The following PTPRM variants were observed in gnomAD, a reference collection of about 807,000 sequenced individuals.
PTPRM encodes protein tyrosine phosphatase receptor type M.
PTPRM carries 47 observed loss-of-function variants against 186.7 expected under a neutral mutation model. The ratio of observed to expected loss-of-function variants is 0.25; its 90% CI spans 0.20 to 0.32. The LOEUF is 0.32. PTPRM is among the 10% of genes least tolerant of loss of function. PTPRM has a pLI of 1.00. For missense variants in PTPRM, 1,494 were observed against 1,865.0 expected (o/e 0.80, Z 3.66); for synonymous variants, 668 against 674.9 (o/e 0.99, Z 0.16).
chr18:7,742,938 ATTAG>A (rs1335956683), intron 1 of PTPRM, among the ~76,000 whole-genome samples: 8 of 152,230 alleles, frequency 5.3e-5, no homozygotes, highest in South Asian at 2.1e-4. Flanking sequence ...TTATTTACCC[ATTAG>A]TTAGGTGCTA....
intron 14 of PTPRM, among the ~76,000 whole-genome samples, chr18:8,199,479 T>A (rs1860962): frequency 1 from 152,309 of 152,326 alleles, 76,146 homozygotes; most frequent in Middle Eastern, 1. Context: ...TTGATGATAT[T>A]AGTAGGAGAC....
At position 7,736,748 on chromosome 18, in the gene PTPRM, T is replaced by G. The variant is rs151129660; in HGVS notation, c.74-37401T>G. ...TCTTCTATACAATGTCTGGAATCTA[T>G]GAATAACATCACTTTCTAAATTATG... On this transcript the variant is annotated intron_variant, in intron 1 of 32. Coordinates refer to ENST00000580170, the MANE Select transcript of PTPRM (RefSeq NM_001105244.2). Among the ~76,000 whole-genome samples the G allele has an allele frequency of 1.9e-3, 287 of 152,330 alleles. 1 individual carries two copies. Among genetic ancestry groups the G allele is most frequent in the African/African-American group, 6.5e-3 (270 of 41,582 alleles).
intron 2 of PTPRM, among the ~76,000 whole-genome samples, chr18:7,813,058 C>T (rs1282243997): frequency 1.3e-5 from 2 of 152,260 alleles, no homozygotes; most frequent in East Asian, 3.8e-4. Flanking sequence ...CTGTGACTTA[C>T]CTGTGTGCAG....
intron 7 of PTPRM, among the ~76,000 whole-genome samples, chr18:8,003,588 C>T (rs1599992611): frequency 6.6e-6 from 1 of 152,318 alleles, no homozygotes; most frequent in Admixed American, 6.5e-5. Flanking sequence ...GAATAAAGTA[C>T]GGATCAGTTC....
chr18:8,106,540 C>T (rs2091529138), intron 11 of PTPRM, among the ~76,000 whole-genome samples: 1 of 152,138 alleles, frequency 6.6e-6, no homozygotes, highest in African/African-American at 2.4e-5. Context: ...AGATCCTTGG[C>T]ATGGTAGTTC....
intron 2 of PTPRM, among the ~76,000 whole-genome samples, chr18:7,787,512 A>G (rs546597034): frequency 6.6e-6 from 1 of 152,218 alleles, no homozygotes; most frequent in Non-Finnish European, 1.5e-5. Flanking sequence ...TGCTAGAACC[A>G]GGATGAGAGT....
intron 3 of PTPRM, 67 bp downstream of exon 3, chr18:7,888,444 TATATC>T (rs1315944233): frequency 8.3e-6 from 12 of 1,453,912 alleles, no homozygotes; most frequent in African/African-American, 1.4e-5. Flanking sequence ...AAATTATTGT[TATATC>T]ATTATAATCA....
chr18:8,044,449 C>T (rs985346624), intron 7 of PTPRM, among the ~76,000 whole-genome samples: 4 of 152,094 alleles, frequency 2.6e-5, no homozygotes, highest in African/African-American at 7.2e-5. Context: ...AGTGGATTCA[C>T]TACGCAGTTG....
chr18:7,701,890 C>G (rs1047640389), intron 1 of PTPRM, among the ~76,000 whole-genome samples: 2 of 151,994 alleles, frequency 1.3e-5, no homozygotes, highest in Admixed American at 6.6e-5. Flanking sequence ...GTGTGATGTC[C>G]CCCTCCCTGT....
At chr18:7,947,840 C>T (rs746869259) in intron 5 of PTPRM, among the ~76,000 whole-genome samples, 3 of 152,096 alleles carry the variant, frequency 2.0e-5, no homozygotes, top group Non-Finnish European at 4.4e-5. Context: ...CCACCCTGGC[C>T]ATCGTTTCTG....
intron 2 of PTPRM, among the ~76,000 whole-genome samples, chr18:7,786,973 A>G (rs142256724): frequency 6.7e-4 from 102 of 152,354 alleles, no homozygotes; most frequent in Non-Finnish European, 6.3e-4. Context: ...ATGTTAATTT[A>G]TTTGAATTGA....
chr18:8,143,758 T>G lies in PTPRM; in HGVS notation c.2279T>G (p.Val760Gly). ...ILLFVIIFLG[V>G]VLVMKKRKLA... The stretch of plus-strand genomic sequence containing the variant: ...CTGTTCGTGATTATATTTCTTGGAG[T>G]TGTGTTGGTAATGAAGAAAAGGTGA... Residue 760 changes from valine (V) to glycine (G), a missense_variant, in exon 14 of 33, where the codon GTT (valine) becomes GGT (glycine). Coordinates refer to ENST00000580170, the MANE Select transcript of PTPRM (RefSeq NM_001105244.2). 6.2e-7 allele frequency: 1 copy of G among 1,613,942 alleles called. No individual in the cohort carries two copies. Among genetic ancestry groups the G allele is most frequent in the Non-Finnish European group, 8.5e-7 (1 of 1,179,932 alleles).
At chr18:8,372,056 C>CTTTTTTTTTTTTTTTTTTGTTTT in intron 24 of PTPRM, among the ~76,000 whole-genome samples, 1 of 59,068 alleles carries the variant, frequency 1.7e-5, no homozygotes, top group East Asian at 5.3e-4. Flanking sequence ...ACTCTATATT[C>CTTTTTTTTTTTTTTTTTTGTTTT]TTTTTTTTTT....
intron 1 of PTPRM, among the ~76,000 whole-genome samples, chr18:7,578,623 C>T (rs972508275): frequency 3.3e-5 from 5 of 151,082 alleles, no homozygotes; most frequent in Non-Finnish European, 4.4e-5. Context: ...GCGTGAGCCA[C>T]AGCGCCTGGC....
chr18:8,379,024 C>G, intron 27 of PTPRM, 143 bp from the exon 28 acceptor site: 2 of 611,956 alleles, frequency 3.3e-6, no homozygotes, highest in South Asian at 3.1e-5. Context: ...AAAGAAAACT[C>G]GAACTATGGT....
intron 1 of PTPRM, among the ~76,000 whole-genome samples, chr18:7,712,964 G>A (rs1016843987): frequency 7.2e-5 from 11 of 152,124 alleles, no homozygotes; most frequent in Non-Finnish European, 1.5e-4. Context: ...TTATCCAGGA[G>A]AAATTCCCCA....
At chr18:8,038,495 G>A (rs1398424097) in intron 7 of PTPRM, among the ~76,000 whole-genome samples, 1 of 150,922 alleles carries the variant, frequency 6.6e-6, no homozygotes, top group African/African-American at 2.4e-5. Context: ...GGGTTCAAGT[G>A]ATTCTTGTGC....
chr18:7,617,209 T>A (rs916524984), intron 1 of PTPRM, among the ~76,000 whole-genome samples: 1 of 152,136 alleles, frequency 6.6e-6, no homozygotes, highest in African/African-American at 2.4e-5. Context: ...GCACAGGATC[T>A]TTTTCTAAGA....
intron 7 of PTPRM, among the ~76,000 whole-genome samples, chr18:8,019,716 G>A (rs2085090522): frequency 6.7e-6 from 1 of 149,296 alleles, no homozygotes; most frequent in Non-Finnish European, 1.5e-5. Flanking sequence ...AAATGCACTT[G>A]AAGTTCATTA....
Sources: gnomAD v4.1 joint callset for allele counts (sites outside exome capture counted in the v4.1 genomes callset) on GRCh38, gnomAD v4.1.1 for gene constraint, MANE v1.5 for transcripts, NCBI Gene and HGNC (gene_info 2026-07-23, HGNC 2026-07-21) for gene names.